Variants in KIAA1328 observed in about 807,000 individuals in gnomAD.
KIAA1328 encodes the protein KIAA1328.
In KIAA1328, 52 loss-of-function variants were observed where a neutral mutation model predicts 68.1. That is an observed-to-expected ratio of 0.76 (90% CI 0.61 to 0.96). The LOEUF (loss-of-function observed/expected upper bound fraction) is 0.96. Ranked by LOEUF, KIAA1328 falls within the 40% of genes least tolerant of loss-of-function variation. KIAA1328 has a pLI of 0.00. For synonymous variants in KIAA1328, 232 were observed against 239.4 expected, an observed-to-expected ratio of 0.97 and a Z score of 0.28; for missense variants, 641 against 677.6, an observed-to-expected ratio of 0.95 and a Z score of 0.60.
At chr18:37,078,871 C>T (rs1275183461) in intron 7 of KIAA1328, among the ~76,000 whole-genome samples, 2 of 150,776 alleles carry the variant, frequency 1.3e-5, no homozygotes, top group Admixed American at 6.6e-5. Context: ...AACACTTTTA[C>T]ACTGTTGGTG....
chr18:37,009,357 T>A (rs1173780227), intron 6 of KIAA1328, among the ~76,000 whole-genome samples: 2 of 152,180 alleles, frequency 1.3e-5, no homozygotes, highest in African/African-American at 4.8e-5. Context: ...TAAGAAGTTT[T>A]TCCATAGAGC....
chr18:37,201,350 G>A (rs914915685), intron 9 of KIAA1328, among the ~76,000 whole-genome samples: 18 of 152,038 alleles, frequency 1.2e-4, no homozygotes, highest in Admixed American at 1.2e-3. Context: ...TTTAAATCAG[G>A]TTCTTTTTTT....
chr18:36,965,343 G>C (rs2051876075), intron 6 of KIAA1328, among the ~76,000 whole-genome samples: 1 of 151,670 alleles, frequency 6.6e-6, no homozygotes. Flanking sequence ...AATCTGAAAT[G>C]TACTAAAGAT....
At chr18:36,976,781 G>A (rs1322527840) in intron 6 of KIAA1328, among the ~76,000 whole-genome samples, 1 of 152,110 alleles carries the variant, frequency 6.6e-6, no homozygotes, top group Non-Finnish European at 1.5e-5. Context: ...CTAACTTTGT[G>A]ATGCTAAATC....
chr18:37,175,108 C>T (rs961504844), intron 9 of KIAA1328, among the ~76,000 whole-genome samples: 2 of 152,168 alleles, frequency 1.3e-5, no homozygotes, highest in Non-Finnish European at 2.9e-5. Flanking sequence ...CAGAGGGTTT[C>T]CATCCTAGCT....
At chr18:37,035,478 G>A (rs144387525) in intron 6 of KIAA1328, among the ~76,000 whole-genome samples, 4 of 152,240 alleles carry the variant, frequency 2.6e-5, no homozygotes, top group Non-Finnish European at 4.4e-5. Flanking sequence ...TCAAATTGCT[G>A]GTGAGTCTTT....
intron 7 of KIAA1328, among the ~76,000 whole-genome samples, chr18:37,140,841 A>G (rs1248766987): frequency 6.6e-6 from 1 of 152,164 alleles, no homozygotes; most frequent in Non-Finnish European, 1.5e-5. Flanking sequence ...AATTCATTGT[A>G]TGCATTTTAT....
At chr18:37,160,110 T>C (rs2059245290) in intron 7 of KIAA1328, 90 bp from the exon 8 acceptor site, 2 of 957,704 alleles carry the variant, frequency 2.1e-6, no homozygotes, top group South Asian at 2.3e-5. Flanking sequence ...TCTTAATGAA[T>C]TGCATTTCAA....
chr18:37,125,481 C>T (rs762128708), intron 7 of KIAA1328, among the ~76,000 whole-genome samples: 1 of 151,674 alleles, frequency 6.6e-6, no homozygotes, highest in Non-Finnish European at 1.5e-5. Context: ...ACAAAATGAG[C>T]AGAAGTAAAT....
At chr18:36,937,963 A>G (rs1018321757) in intron 5 of KIAA1328, among the ~76,000 whole-genome samples, 1 of 152,102 alleles carries the variant, frequency 6.6e-6, no homozygotes, top group Non-Finnish European at 1.5e-5. Flanking sequence ...ATGGGTGATC[A>G]ATATTCCATT....
chr18:36,893,396 T>C (rs1186294659), intron 5 of KIAA1328, among the ~76,000 whole-genome samples: 1 of 151,666 alleles, frequency 6.6e-6, no homozygotes, highest in Non-Finnish European at 1.5e-5. Flanking sequence ...GCCACCGTAG[T>C]CACTGGAACC....
chr18:37,135,232 G>T (rs891640080), intron 7 of KIAA1328, among the ~76,000 whole-genome samples: 1 of 152,114 alleles, frequency 6.6e-6, no homozygotes, highest in African/African-American at 2.4e-5. Context: ...GGGATTGCTG[G>T]GTCGAACGGT....
At chr18:37,019,495 A>C (rs1028874418) in intron 6 of KIAA1328, among the ~76,000 whole-genome samples, 1 of 152,200 alleles carries the variant, frequency 6.6e-6, no homozygotes, top group African/African-American at 2.4e-5. Flanking sequence ...AGGCAGGTAC[A>C]CCTACAGATC....
At chr18:36,950,999 T>G (rs1233912211) in intron 5 of KIAA1328, among the ~76,000 whole-genome samples, 1 of 152,242 alleles carries the variant, frequency 6.6e-6, no homozygotes, top group Non-Finnish European at 1.5e-5. Flanking sequence ...CAACTCAGTC[T>G]TTAACTGGGG....
At chr18:37,100,214 G>A (rs1453047534) in intron 7 of KIAA1328, among the ~76,000 whole-genome samples, 1 of 152,230 alleles carries the variant, frequency 6.6e-6, no homozygotes, top group Non-Finnish European at 1.5e-5. Flanking sequence ...AGCCGAAGCA[G>A]GGCAAGGCAT....
chr18:37,143,050 G>A (rs147342538), intron 7 of KIAA1328, among the ~76,000 whole-genome samples: 42 of 151,836 alleles, frequency 2.8e-4, no homozygotes, highest in African/African-American at 9.9e-4. Context: ...CGCCTCCCAG[G>A]CTCAAGCAAT....
intron 7 of KIAA1328, among the ~76,000 whole-genome samples, chr18:37,097,413 G>A (rs1245292101): frequency 6.6e-6 from 1 of 152,134 alleles, no homozygotes; most frequent in Admixed American, 6.5e-5. Context: ...TGAGGGCTCT[G>A]TTCTGTTCCA....
At chr18:36,972,180 T>C (rs1394157530) in intron 6 of KIAA1328, among the ~76,000 whole-genome samples, 1 of 152,200 alleles carries the variant, frequency 6.6e-6, no homozygotes, top group African/African-American at 2.4e-5. Flanking sequence ...GAAAGAATAA[T>C]CTTTTCAACT....
intron 3 of KIAA1328, among the ~76,000 whole-genome samples, chr18:36,843,466 A>T: frequency 6.6e-6 from 1 of 152,140 alleles, no homozygotes; most frequent in East Asian, 1.9e-4. Flanking sequence ...CCCTGAGTTT[A>T]TGTCTTTAAG....
Sources: gnomAD v4.1 joint callset for allele counts (sites outside exome capture counted in the v4.1 genomes callset) on GRCh38, gnomAD v4.1.1 for gene constraint, MANE v1.5 for transcripts, NCBI Gene and HGNC (gene_info 2026-07-23, HGNC 2026-07-21) for gene names.